SUV39H2: variants seen among roughly 807,000 people sequenced by gnomAD.
SUV39H2 encodes SUV39H2 histone lysine methyltransferase, also known as histone-lysine N-methyltransferase SUV39H2.
In SUV39H2, 10 loss-of-function variants were observed where a neutral mutation model predicts 47.5. That is an observed-to-expected ratio of 0.21 (90% CI 0.13 to 0.36). SUV39H2 has a LOEUF of 0.36. SUV39H2 is among the 10% of genes least tolerant of loss of function. The pLI is 1.00. For missense variants in SUV39H2, 266 were observed against 487.4 expected (o/e 0.55, Z 4.28); for synonymous variants, 159 against 166.8 (o/e 0.95, Z 0.36).
Position 14,881,503 on chromosome 10 carries a change from G to A in SUV39H2, c.35G>A (p.Trp12Ter). The change falls in exon 2 of 6, where the codon TGG becomes TAG. Residue 12 changes from tryptophan (W) to a stop codon, truncating the protein, a stop_gained. Coordinates refer to ENST00000354919, the MANE Select transcript of SUV39H2 (RefSeq NM_001193424.2). LOFTEE classifies it high-confidence loss of function. ...AAVGAEARGA[W>*]CVPCLVSLDT... ...GAATTCTATTTTCTTATTGTAGCTT[G>A]GTGTGTGCCTTGCCTAGTTTCACTT... 2 of 1,540,036 alleles carry A rather than the reference G, an allele frequency of 1.3e-6. No homozygotes were observed. The highest frequency in any genetic ancestry group is 1.7e-6 in the Non-Finnish European group (2 of 1,149,076).
intron 5 of SUV39H2, among the ~76,000 whole-genome samples, 183 bp from the exon 6 acceptor site, chr10:14,902,223 T>G (rs942976798): frequency 6.6e-6 from 1 of 152,232 alleles, no homozygotes; most frequent in Non-Finnish European, 1.5e-5. Flanking sequence ...AATATTAACA[T>G]TTATTTGTAA....
At chr10:14,897,718 G>C in intron 3 of SUV39H2, 3 of 379,272 alleles carry the variant, frequency 7.9e-6, no homozygotes, top group African/African-American at 2.1e-5. Context: ...AAAAATATAC[G>C]TTAAAACAAA....
chr10:14,897,947 G>A (rs927949823), intron 3 of SUV39H2: 3 of 152,422 alleles, frequency 2.0e-5, no homozygotes, highest in Admixed American at 6.6e-5. Flanking sequence ...CAACATGAAA[G>A]ATACTATATT....
chr10:14,897,097 A>G lies in SUV39H2; in HGVS notation c.429A>G (p.Glu143=). The change falls in exon 3 of 6, where the codon GAA becomes GAG. Residue 143 remains glutamate, a synonymous_variant. Transcript: ENST00000354919. ...QRIALQRWQD[E]LNRRKNHKGM... ...TAGCTCTGCAGAGATGGCAAGATGA[A>G]CTCAACAGAAGAAAGAATCATAAAG... The G allele has an allele frequency of 6.2e-7, 1 of 1,613,922 alleles. No homozygotes were observed. The highest frequency in any genetic ancestry group is 1.6e-4 in the Middle Eastern group (1 of 6,062).
intron 3 of SUV39H2, chr10:14,898,134 T>C (rs1479155615): frequency 6.7e-6 from 1 of 149,232 alleles, no homozygotes; most frequent in African/African-American, 2.5e-5. Flanking sequence ...GTGTGTCACA[T>C]ACTATTCTAA....
intron 5 of SUV39H2, among the ~76,000 whole-genome samples, chr10:14,901,550 T>G (rs562132299): frequency 5.9e-5 from 9 of 152,226 alleles, no homozygotes; most frequent in African/African-American, 2.2e-4. Flanking sequence ...CTTGTCTTTT[T>G]TTTTTTTTTT....
chr10:14,879,131 G>T, intron 1 of SUV39H2: 2 of 1,259,758 alleles, frequency 1.6e-6, no homozygotes, highest in Non-Finnish European at 2.0e-6. Context: ...CGCGGAGGTG[G>T]GCACTGTCCG....
chr10:14,882,334 CTTGT>C (rs903589670), intron 2 of SUV39H2, among the ~76,000 whole-genome samples: 49 of 152,322 alleles, frequency 3.2e-4, no homozygotes, highest in African/African-American at 1.0e-3. Flanking sequence ...AATCGGGAAT[CTTGT>C]TTAAGTCTTT....
At chr10:14,888,528 T>A (rs1202139893) in intron 2 of SUV39H2, among the ~76,000 whole-genome samples, 1 of 151,538 alleles carries the variant, frequency 6.6e-6, no homozygotes, top group African/African-American at 2.4e-5. Context: ...CCCAGCTGCT[T>A]GGGAAGCTGA....
At chr10:14,898,364 T>G (rs748507993) in intron 3 of SUV39H2, 12 of 151,936 alleles carry the variant, frequency 7.9e-5, no homozygotes, top group Non-Finnish European at 1.3e-4. Context: ...ACCACACTGC[T>G]TCAAACTGAA....
At chr10:14,882,632 TCTTG>T (rs201046448) in intron 2 of SUV39H2, among the ~76,000 whole-genome samples, 601 of 152,338 alleles carry the variant, frequency 3.9e-3, no homozygotes, top group Middle Eastern at 0.014. Flanking sequence ...AAGCTTTTTA[TCTTG>T]CTTGCTTTTC....
intron 2 of SUV39H2, among the ~76,000 whole-genome samples, chr10:14,894,437 G>A (rs1373991973): frequency 2.0e-5 from 1 of 50,618 alleles, no homozygotes; most frequent in Non-Finnish European, 3.0e-5. Context: ...GCGCGATCTC[G>A]ACTCACTGCA....
chr10:14,892,769 A>G (rs1473405083), intron 2 of SUV39H2, among the ~76,000 whole-genome samples: 2 of 152,006 alleles, frequency 1.3e-5, no homozygotes, highest in Non-Finnish European at 2.9e-5. Context: ...AGATCCTAAA[A>G]TATTTGAATG....
chr10:14,895,523 T>G (rs1159350464), intron 2 of SUV39H2, among the ~76,000 whole-genome samples: 1 of 152,156 alleles, frequency 6.6e-6, no homozygotes, highest in African/African-American at 2.4e-5. Context: ...TGCCTTACTT[T>G]AAGGGAGGAA....
chr10:14,895,724 G>GTAA (rs1356643329), intron 2 of SUV39H2, among the ~76,000 whole-genome samples: 1 of 152,172 alleles, frequency 6.6e-6, no homozygotes, highest in African/African-American at 2.4e-5. Flanking sequence ...CAATAGAAAT[G>GTAA]TAATGCAAGC....
At chr10:14,882,345 C>T (rs1194016287) in intron 2 of SUV39H2, among the ~76,000 whole-genome samples, 2 of 152,176 alleles carry the variant, frequency 1.3e-5, no homozygotes, top group African/African-American at 4.8e-5. Flanking sequence ...TTGTTTAAGT[C>T]TTTATTTTCC....
chr10:14,884,414 G>A (rs1833141531), intron 2 of SUV39H2, among the ~76,000 whole-genome samples: 1 of 152,138 alleles, frequency 6.6e-6, no homozygotes, highest in Non-Finnish European at 1.5e-5. Flanking sequence ...GTATTTTTCT[G>A]ACTAATGATA....
intron 2 of SUV39H2, among the ~76,000 whole-genome samples, chr10:14,882,550 ATAT>A (rs945220450): frequency 7.6e-4 from 116 of 152,328 alleles, no homozygotes; most frequent in African/African-American, 2.7e-3. Flanking sequence ...CCAGCTGAGA[ATAT>A]TATACAATCA....
intron 3 of SUV39H2, 111 bp from the exon 4 acceptor site, chr10:14,899,428 G>GA (rs979002845): frequency 4.4e-5 from 53 of 1,209,970 alleles, no homozygotes; most frequent in Admixed American, 2.2e-4. Context: ...GATGACACCT[G>GA]AATTTCTTAC....
Sources: gnomAD v4.1 joint callset for allele counts (sites outside exome capture counted in the v4.1 genomes callset) on GRCh38, gnomAD v4.1.1 for gene constraint, MANE v1.5 for transcripts, NCBI Gene and HGNC (gene_info 2026-07-23, HGNC 2026-07-21) for gene names.